Variants in C7orf33 observed in about 807,000 individuals in gnomAD.
C7orf33 encodes the protein uncharacterized protein C7orf33.
C7orf33 carries 15 observed loss-of-function variants against 13.4 expected under a neutral mutation model. That is an observed-to-expected ratio of 1.12 (90% confidence interval 0.75 to 1.72). The LOEUF (loss-of-function observed/expected upper bound fraction) is 1.72. Among genes scored for constraint, C7orf33 ranks in the 40% most tolerant of loss-of-function variants. The probability of loss-of-function intolerance (pLI) is 0.00; values close to 1 mark genes in which losing one functional copy is unlikely to be tolerated. For missense variants in C7orf33, 187 were observed against 220.3 expected, an observed-to-expected ratio of 0.85 and a Z score of 0.96; for synonymous variants, 73 against 83.2, an observed-to-expected ratio of 0.88 and a Z score of 0.67.
rs191644515 is a variant in C7orf33, at chr7:148,593,126, C to G, written c.204+1997C>G. ...AAGTCCTGGGATTACAGGCATGAGC[C>G]AACATGCCTGGCCGACACGATTTAA... On this transcript the variant is annotated intron_variant, in intron 1 of 2. Coordinates refer to ENST00000307003, the MANE Select transcript of C7orf33 (RefSeq NM_145304.4). Among the ~76,000 whole-genome samples, 6 of 152,286 alleles carry G rather than the reference C, an allele frequency of 3.9e-5. 1 individual carries two copies. The highest frequency in any genetic ancestry group is 6.8e-3 in the Middle Eastern group (2 of 294).
chr7:148,604,120 C>CTTTT (rs397686514), intron 1 of C7orf33, among the ~76,000 whole-genome samples: 2 of 141,646 alleles, frequency 1.4e-5, no homozygotes, highest in Non-Finnish European at 1.5e-5. Flanking sequence ...GACCATTATT[C>CTTTT]TTTTTTTTTT....
At chr7:148,597,441 C>T (rs909479670) in intron 1 of C7orf33, among the ~76,000 whole-genome samples, 9 of 151,946 alleles carry the variant, frequency 5.9e-5, no homozygotes, top group Non-Finnish European at 1.2e-4. Context: ...GCTACCATGC[C>T]TGGCTAATTT....
At chr7:148,599,707 T>A (rs1796391408) in intron 1 of C7orf33, among the ~76,000 whole-genome samples, 1 of 151,990 alleles carries the variant, frequency 6.6e-6, no homozygotes, top group Non-Finnish European at 1.5e-5. Context: ...AATCCTGACC[T>A]CGTGATCCAC....
chr7:148,597,278 ATTTATT>A (rs1405619010), intron 1 of C7orf33, among the ~76,000 whole-genome samples: 1 of 151,806 alleles, frequency 6.6e-6, no homozygotes, highest in Non-Finnish European at 1.5e-5. Flanking sequence ...AATGTTATTT[ATTTATT>A]TTTATTTATT....
At chr7:148,591,204 T>G (rs1585450945) in intron 1 of C7orf33, 75 bp downstream of exon 1, 1 of 1,253,926 alleles carries the variant, frequency 8.0e-7, no homozygotes, top group South Asian at 1.2e-5. Flanking sequence ...ATTCACTCAA[T>G]CCATGAATGT....
chr7:148,597,488 G>A (rs111750556), intron 1 of C7orf33, among the ~76,000 whole-genome samples: 1 of 151,894 alleles, frequency 6.6e-6, no homozygotes, highest in African/African-American at 2.4e-5. Context: ...TACCATATTG[G>A]CCAGGCTGGT....
intron 1 of C7orf33, among the ~76,000 whole-genome samples, chr7:148,597,562 G>A (rs1796353992): frequency 6.6e-6 from 1 of 152,140 alleles, no homozygotes; most frequent in African/African-American, 2.4e-5. Flanking sequence ...GATTACAGGT[G>A]TGAGCCACTG....
chr7:148,600,102 G>A (rs13233793), intron 1 of C7orf33, among the ~76,000 whole-genome samples: 12,715 of 151,824 alleles, frequency 0.084, 687 homozygotes, highest in Middle Eastern at 0.18. Context: ...AATGGGCACA[G>A]CCTCTTGTCT....
chr7:148,607,850 T>C (rs1302556746), intron 1 of C7orf33, among the ~76,000 whole-genome samples: 2 of 152,220 alleles, frequency 1.3e-5, no homozygotes, highest in Non-Finnish European at 2.9e-5. Context: ...CTATATTCTT[T>C]CTTCCTCTTA....
intron 1 of C7orf33, among the ~76,000 whole-genome samples, chr7:148,604,356 A>G (rs1438705509): frequency 1.3e-5 from 2 of 152,062 alleles, no homozygotes; most frequent in Admixed American, 6.6e-5. Context: ...CAAACTCCTG[A>G]CCTCAAGTAA....
intron 2 of C7orf33, 88 bp from the exon 3 acceptor site, chr7:148,615,239 G>C: frequency 1.1e-6 from 1 of 896,632 alleles, no homozygotes; most frequent in Non-Finnish European, 1.8e-6. Flanking sequence ...ATGCCAGGCT[G>C]AGACAGTGTT....
At chr7:148,593,514 C>T (rs13438355) in intron 1 of C7orf33, among the ~76,000 whole-genome samples, 3,885 of 152,220 alleles carry the variant, frequency 0.026, 169 homozygotes, top group African/African-American at 0.089. Flanking sequence ...ATCTGCTTGC[C>T]TCAGCCTCCC....
At chr7:148,596,135 A>C (rs937624008) in intron 1 of C7orf33, among the ~76,000 whole-genome samples, 2 of 152,228 alleles carry the variant, frequency 1.3e-5, no homozygotes, top group Non-Finnish European at 2.9e-5. Flanking sequence ...ATATACTTTT[A>C]TATAATAAAC....
At chr7:148,602,906 G>A (rs376305902) in intron 1 of C7orf33, among the ~76,000 whole-genome samples, 4 of 152,260 alleles carry the variant, frequency 2.6e-5, no homozygotes, top group African/African-American at 9.6e-5. Flanking sequence ...ATTTTTAAAA[G>A]AGTCATCCTT....
Position 148,615,430 on chromosome 7 carries a change from T to G in C7orf33, c.*29T>G, listed in dbSNP as rs61164842. ...TTTTGCAGAATCTAAGAGTCACATC[T>G]CTAAATTTGTGTAGATTGTGAAATC... is the stretch of plus-strand genomic sequence containing the variant. On this transcript the variant is annotated 3_prime_UTR_variant, in exon 3 of 3. Transcript: ENST00000307003. 7.6e-7 allele frequency: 1 copy of G among 1,320,134 alleles called. No homozygotes were observed. The highest frequency in any genetic ancestry group is 1.2e-5 in the South Asian group (1 of 84,830). 81.8% of individuals were successfully genotyped at this position (1,320,134 alleles called of 1,614,324 possible).
At chr7:148,594,268 C>G (rs138375278) in intron 1 of C7orf33, among the ~76,000 whole-genome samples, 1 of 151,416 alleles carries the variant, frequency 6.6e-6, no homozygotes, top group East Asian at 1.9e-4. Flanking sequence ...CTCCGCCTCC[C>G]GGGTTCGTGC....
At chr7:148,605,594 T>G (rs962599577) in intron 1 of C7orf33, among the ~76,000 whole-genome samples, 10 of 152,214 alleles carry the variant, frequency 6.6e-5, no homozygotes, top group African/African-American at 2.4e-4. Context: ...GTTTGCAGTT[T>G]GCAGTTTTTC....
At chr7:148,597,787 G>C (rs1278547494) in intron 1 of C7orf33, among the ~76,000 whole-genome samples, 1 of 147,682 alleles carries the variant, frequency 6.8e-6, no homozygotes, top group Admixed American at 6.8e-5. Flanking sequence ...ACGGAATCTC[G>C]CACTGTCGCC....
chr7:148,592,132 G>A (rs765514448), intron 1 of C7orf33, among the ~76,000 whole-genome samples: 3 of 152,168 alleles, frequency 2.0e-5, no homozygotes, highest in Non-Finnish European at 4.4e-5. Flanking sequence ...ACTGACACAT[G>A]CCACAGGCTC....
Sources: allele counts gnomAD v4.1 joint callset (sites outside exome capture counted in the v4.1 genomes callset), GRCh38; gene constraint gnomAD v4.1.1; transcripts MANE v1.5; gene names NCBI Gene and HGNC (gene_info 2026-07-23, HGNC 2026-07-21).